Variants in TNRC18 observed in about 807,000 individuals in gnomAD.
TNRC18 encodes the protein trinucleotide repeat-containing gene 18 protein.
In TNRC18, 69 loss-of-function variants were observed where a neutral mutation model predicts 226.7. The observed-to-expected ratio is 0.30, with a 90% confidence interval of 0.25 to 0.37. The LOEUF (loss-of-function observed/expected upper bound fraction) is 0.37. Ranked by LOEUF, TNRC18 falls within the 10% of genes least tolerant of loss-of-function variation. The pLI is 1.00. For synonymous variants in TNRC18, 2,449 were observed against 1,927.6 expected (o/e 1.27, Z -7.09); for missense variants, 4,754 against 4,256.6 (o/e 1.12, Z -3.25).
At chr7:5,414,323 A>C (rs1455763233) in intron 2 of TNRC18, among the ~76,000 whole-genome samples, 2 of 150,806 alleles carry the variant, frequency 1.3e-5, no homozygotes, top group African/African-American at 4.9e-5. Flanking sequence ...ATATTTATAG[A>C]TATAAAATAG....
chr7:5,319,955 G>C (rs377067599), intron 24 of TNRC18, among the ~76,000 whole-genome samples: 1 of 152,206 alleles, frequency 6.6e-6, no homozygotes, highest in African/African-American at 2.4e-5. Context: ...TCAGACTCAC[G>C]GCAGTAGGAT....
chr7:5,409,704 G>A (rs1450186780), intron 2 of TNRC18, among the ~76,000 whole-genome samples: 6 of 151,852 alleles, frequency 4.0e-5, no homozygotes, highest in Non-Finnish European at 7.4e-5. Flanking sequence ...AAGGCCAGGC[G>A]CAGTGGCTCA....
chr7:5,387,587 A>C (rs189737435), intron 5 of TNRC18, 85 bp downstream of exon 5: 1 of 1,536,456 alleles, frequency 6.5e-7, no homozygotes. Context: ...GCAATAGCAA[A>C]GGGAAAGGGC....
intron 4 of TNRC18, 114 bp from the exon 5 acceptor site, chr7:5,389,450 T>C: frequency 3.6e-6 from 4 of 1,112,518 alleles, no homozygotes; most frequent in Non-Finnish European, 4.4e-6. Flanking sequence ...TCCCCCAGTG[T>C]TTTGGTTTTG....
chr7:5,345,584 T>C lies in TNRC18; in HGVS notation c.5697A>G (p.Lys1899=). 2 of 1,273,724 alleles carry C rather than the reference T, an allele frequency of 1.6e-6. No homozygotes were observed. The highest frequency in any genetic ancestry group is 1.0e-6 in the Non-Finnish European group (1 of 978,380). 78.9% of individuals were successfully genotyped at this position (1,273,724 alleles called of 1,614,324 possible). Residue 1899 remains lysine (K), a synonymous_variant, in exon 18 of 30, where the codon AAA becomes AAG. Transcript: ENST00000430969. ...QLEAKQKARK[K]EERQSLLGTE... is the part of the protein sequence containing the mutation. Reference sequence around the variant, plus strand: ...TACCCAGCAGGCTCTGCCGCTCCTCTTTCTTCCGGGCCTTCTGCTTGGCCT... The same window carrying C: ...TACCCAGCAGGCTCTGCCGCTCCTCCTTCTTCCGGGCCTTCTGCTTGGCCT...
chr7:5,412,139 C>T (rs1037757958), intron 2 of TNRC18, among the ~76,000 whole-genome samples: 3 of 148,784 alleles, frequency 2.0e-5, no homozygotes, highest in Admixed American at 1.4e-4. Flanking sequence ...TAGTGAGCCA[C>T]GAGAATGCCA....
chr7:5,311,197 C>T (rs543812877), intron 27 of TNRC18, among the ~76,000 whole-genome samples: 1 of 151,856 alleles, frequency 6.6e-6, no homozygotes, highest in East Asian at 1.9e-4. Context: ...CACATATGTG[C>T]GTGTGTGTGT....
chr7:5,361,776 A>G (rs1793075106), intron 13 of TNRC18, 54 bp from the exon 14 acceptor site: 5 of 1,544,048 alleles, frequency 3.2e-6, no homozygotes, highest in Non-Finnish European at 4.4e-6. Flanking sequence ...CGGGGCGCGG[A>G]GAACGGGCAC....
intron 17 of TNRC18, among the ~76,000 whole-genome samples, chr7:5,347,210 T>TA (rs1791287528): frequency 1.4e-5 from 2 of 147,664 alleles, no homozygotes; most frequent in Admixed American, 6.7e-5. Flanking sequence ...TTTTTTGAGA[T>TA]AGAGTCTCGC....
Position 5,325,183 on chromosome 7 carries a change from G to A in TNRC18, c.6213C>T (p.Pro2071=), listed in dbSNP as rs778067892. The A allele has an allele frequency of 2.8e-5, 43 of 1,553,892 alleles. No individual in the cohort carries two copies. In the African/African-American group the frequency reaches 4.5e-4, roughly 16 times the overall value. ...TGGCGTGAGGAGCCCTGGCCTCAGA[G>A]GGCAAGGCAGGAGCTCGGGGCGGCG... ...GLPPPRAPAL[P]SEARAPHASS... is the part of the protein sequence containing the mutation. Residue 2071 remains proline, a synonymous_variant, in exon 20 of 30, where the codon CCC becomes CCT. Transcript: ENST00000430969.
At chr7:5,353,339 C>T (rs1472106722) in intron 16 of TNRC18, among the ~76,000 whole-genome samples, 2 of 152,076 alleles carry the variant, frequency 1.3e-5, no homozygotes, top group East Asian at 3.9e-4. Flanking sequence ...GAGTTCGAGA[C>T]CAGCCTGGCC....
At chr7:5,374,671 A>G (rs1423022061) in intron 9 of TNRC18, among the ~76,000 whole-genome samples, 187 bp from the exon 10 acceptor site, 1 of 152,146 alleles carries the variant, frequency 6.6e-6, no homozygotes, top group Non-Finnish European at 1.5e-5. Flanking sequence ...TGTCATAAGC[A>G]CAGCGTTCCA....
intron 18 of TNRC18, among the ~76,000 whole-genome samples, chr7:5,337,896 T>A (rs1251467799): frequency 6.6e-6 from 1 of 151,872 alleles, no homozygotes; most frequent in Non-Finnish European, 1.5e-5. Flanking sequence ...GGCAGGAGAA[T>A]CGCTTGAACC....
chr7:5,405,949 G>A (rs964076272), intron 2 of TNRC18, among the ~76,000 whole-genome samples: 3 of 152,010 alleles, frequency 2.0e-5, no homozygotes, highest in African/African-American at 4.8e-5. Flanking sequence ...TCCAGAACTC[G>A]AACACGTATT....
intron 10 of TNRC18, among the ~76,000 whole-genome samples, chr7:5,372,928 G>A (rs1794302108): frequency 6.6e-6 from 1 of 152,168 alleles, no homozygotes; most frequent in African/African-American, 2.4e-5. Context: ...GGAGGCTGAG[G>A]TGGGCAGATC....
At chr7:5,420,453 G>A in intron 2 of TNRC18, 1 of 454,282 alleles carries the variant, frequency 2.2e-6, no homozygotes, top group Non-Finnish European at 4.4e-6. Flanking sequence ...CGGGGTGCAG[G>A]TTCCCAGGGC....
intron 5 of TNRC18, among the ~76,000 whole-genome samples, chr7:5,384,910 G>A (rs1036512979): frequency 1.3e-5 from 2 of 152,206 alleles, no homozygotes; most frequent in Admixed American, 1.3e-4. Flanking sequence ...ACTGAGCATC[G>A]CTCACCATGA....
chr7:5,345,517 G>GCCCTCCCC lies in TNRC18; in HGVS notation c.5719+44_5719+45insGGGGAGGG. The GCCCTCCCC allele has an allele frequency of 2.4e-5, 9 of 377,744 alleles. 2 individuals carry two copies. The highest frequency in any genetic ancestry group is 4.4e-5 in the South Asian group (1 of 22,822). The allele number at this position is 377,744 out of a possible 1,614,324, so 23.4% of individuals were successfully genotyped here. On this transcript the variant is annotated intron_variant, in intron 18 of 29. Transcript: ENST00000430969. ...CCTGTGGGATGGGGCAATGGCGTCC[G>GCCCTCCCC]CCCCTCCCACCCACCCCCACCGCAG...
At chr7:5,322,691 G>A (rs192621522) in intron 21 of TNRC18, among the ~76,000 whole-genome samples, 1 of 152,202 alleles carries the variant, frequency 6.6e-6, no homozygotes, top group Non-Finnish European at 1.5e-5. Flanking sequence ...CCAACCCTCT[G>A]CTCCCTCCCT....
Sources: gnomAD v4.1 joint callset for allele counts (sites outside exome capture counted in the v4.1 genomes callset) on GRCh38, gnomAD v4.1.1 for gene constraint, MANE v1.5 for transcripts, NCBI Gene and HGNC (gene_info 2026-07-23, HGNC 2026-07-21) for gene names.